The following SLC24A1 variants were observed in gnomAD, a reference collection of about 807,000 sequenced individuals.
SLC24A1 encodes solute carrier family 24 member 1.
In SLC24A1, 52 loss-of-function variants were observed where a neutral mutation model predicts 88.1. That is an observed-to-expected ratio of 0.59 (90% CI 0.47 to 0.74). The LOEUF (loss-of-function observed/expected upper bound fraction) is 0.74. Among genes scored for constraint, SLC24A1 ranks in the 30% least tolerant of loss-of-function variants. SLC24A1 has a pLI of 0.00. For synonymous variants in SLC24A1, 455 were observed against 498.0 expected, an observed-to-expected ratio of 0.91 and a Z score of 1.15; for missense variants, 1,173 against 1,363.3, an observed-to-expected ratio of 0.86 and a Z score of 2.20.
rs2075661847 is a variant in SLC24A1, at chr15:65,655,767, G to A, written c.*1688G>A. 1.0e-6 allele frequency: 1 copy of A among 985,238 alleles called. No homozygotes were observed. The highest frequency in any genetic ancestry group is 1.7e-5 in the African/African-American group (1 of 57,212). The allele number at this position is 985,238 out of a possible 1,614,324, so 61.0% of individuals were successfully genotyped here. A position where few individuals can be genotyped will look rare whatever the true frequency, so the allele number is the denominator to read the frequency against. On this transcript the variant is annotated 3_prime_UTR_variant, in exon 10 of 10. Transcript: ENST00000261892. ...TTCCAAGTATTCCATCTTTTAAGAT[G>A]AATTGCTTAATTAATTGCCTCGCTA...
chr15:65,645,486 C>T (rs2075272370), intron 5 of SLC24A1, 126 bp from the exon 6 acceptor site: 2 of 727,956 alleles, frequency 2.7e-6, no homozygotes, highest in Non-Finnish European at 4.9e-6. Flanking sequence ...ACAAGAAATT[C>T]CCCCAAATAA....
chr15:65,643,386 C>T (rs1028835269), intron 4 of SLC24A1, among the ~76,000 whole-genome samples: 3 of 152,162 alleles, frequency 2.0e-5, no homozygotes, highest in Non-Finnish European at 2.9e-5. Flanking sequence ...GAGGATATGA[C>T]GGTATTGCCT....
At position 65,624,744 on chromosome 15, in the gene SLC24A1, G is replaced by A. The variant is rs201188098; in HGVS notation, c.664G>A (p.Asp222Asn). Reference protein sequence around the residue: ...HAITPRTTVKDSDITATYKIL... With the variant: ...HAITPRTTVKNSDITATYKIL... The stretch of plus-strand genomic sequence containing the variant: ...GATCACCCCCAGGACAACAGTGAAA[G>A]ACAGTGACATTACAGCAACCTATAA... The change falls in exon 2 of 10, where the codon GAC (aspartate) becomes AAC (asparagine). Residue 222 changes from aspartate (D) to asparagine (N), a missense_variant. Physicochemically the swap from Asp to Asn is conservative, Grantham distance 23 (BLOSUM62 1). Coordinates refer to ENST00000261892, the MANE Select transcript of SLC24A1 (RefSeq NM_004727.3). 3.2e-4 allele frequency: 511 copies of A among 1,613,342 alleles called. No homozygotes were observed. The highest frequency in any genetic ancestry group is 3.9e-4 in the Non-Finnish European group (457 of 1,179,604).
In SLC24A1 at chr15:65,625,648, T is replaced by G. The variant is rs1397179286; in HGVS notation, c.1568T>G (p.Val523Gly). The change falls in exon 2 of 10, where the codon GTG (valine) becomes GGG (glycine). Residue 523 changes from valine to glycine, a missense_variant. Physicochemically the swap from Val to Gly is moderately radical, Grantham distance 109 (BLOSUM62 -3). Coordinates refer to ENST00000261892, the MANE Select transcript of SLC24A1 (RefSeq NM_004727.3). ...GGTGTCTTCATTTCCCACAGCAACG[T>G]GGGCATTGGTACCATTGTGGGCTCT... ...LIGVFISHSNVGIGTIVGSAV... is the reference protein window; with the variant it reads ...LIGVFISHSNGGIGTIVGSAV... The G allele has an allele frequency of 2.5e-6, 4 of 1,614,062 alleles. No homozygotes were observed. The highest frequency in any genetic ancestry group is 3.4e-6 in the Non-Finnish European group (4 of 1,179,900).
chr15:65,648,857 G>A (rs192549063), intron 6 of SLC24A1, among the ~76,000 whole-genome samples: 2 of 151,972 alleles, frequency 1.3e-5, no homozygotes, highest in East Asian at 3.9e-4. Flanking sequence ...AGGCTGGCCT[G>A]GAACTCCTGG....
In SLC24A1 at chr15:65,625,942, A is replaced by G. The variant is rs563141376; in HGVS notation, c.1862A>G (p.Lys621Arg). The G allele has an allele frequency of 1.2e-6, 2 of 1,613,540 alleles. No individual in the cohort carries two copies. The highest frequency in any genetic ancestry group is 1.7e-6 in the Non-Finnish European group (2 of 1,179,572). Residue 621 changes from lysine (K) to arginine (R), a missense_variant, in exon 2 of 10, where the codon AAG (lysine) becomes AGG (arginine). Transcript: ENST00000261892. ...CAGCTCAGCAGGAGGCCAGTGGCCA[A>G]GGTCATGGCCTTAGAAGACCTCAGC... ...KEQLSRRPVA[K>R]VMALEDLSKP...
intron 3 of SLC24A1, 21 bp from the exon 4 acceptor site, chr15:65,639,574 T>TGA: frequency 7.2e-7 from 1 of 1,398,202 alleles, no homozygotes; most frequent in Non-Finnish European, 9.8e-7. Flanking sequence ...GGGCCCACTG[T>TGA]GCGGCTCTCC....
rs2075648394 is a variant in SLC24A1, at chr15:65,655,443, T to A, written c.*1364T>A. ...AGTACTACTTCCAAGGTAGCTAGTG[T>A]AAAGGACACTTGAGTTTTTAAAACT... On this transcript the variant is annotated 3_prime_UTR_variant, in exon 10 of 10. Transcript: ENST00000261892. 4.1e-6 allele frequency: 4 copies of A among 985,280 alleles called. No individual in the cohort carries two copies. The Admixed American group carries it at 2.5e-4, about 61-fold the overall frequency. 61.0% of individuals were successfully genotyped at this position (985,280 alleles called of 1,614,324 possible).
intron 8 of SLC24A1, 41 bp from the exon 9 acceptor site, chr15:65,652,601 C>T (rs1344493400): frequency 6.2e-7 from 1 of 1,600,190 alleles, no homozygotes; most frequent in East Asian, 2.2e-5. Flanking sequence ...TTGGATGTGC[C>T]TCAGGTTTTT....
chr15:65,647,340 T>G (rs1179399355), intron 6 of SLC24A1, among the ~76,000 whole-genome samples: 2 of 151,582 alleles, frequency 1.3e-5, no homozygotes, highest in Non-Finnish European at 2.9e-5. Context: ...TAGCCGGGTG[T>G]GGTGGTGCGT....
chr15:65,660,612 T>A (rs995513883), downstream of SLC24A1: 7 of 278,396 alleles, frequency 2.5e-5, no homozygotes, highest in African/African-American at 1.3e-4. Flanking sequence ...TGACTAAAAA[T>A]ATATTTTTAA....
At chr15:65,644,380 A>C in intron 4 of SLC24A1, 47 bp from the exon 5 acceptor site, 2 of 1,317,366 alleles carry the variant, frequency 1.5e-6, no homozygotes, top group Non-Finnish European at 2.1e-6. Flanking sequence ...CGTGGCAGGG[A>C]TGATCCTACA....
chr15:65,645,557 C>A (rs2075275058), intron 5 of SLC24A1, 55 bp from the exon 6 acceptor site: 2 of 1,367,926 alleles, frequency 1.5e-6, no homozygotes, highest in Admixed American at 2.0e-5. Context: ...TCTCTGCCAG[C>A]TTCCTTCAGA....
At position 65,624,819 on chromosome 15, in the gene SLC24A1, A is replaced by G. The variant is rs767891989; in HGVS notation, c.739A>G (p.Thr247Ala). Residue 247 changes from threonine (T) to alanine (A), a missense_variant, in exon 2 of 10, where the codon ACC becomes GCC. Thr to Ala is a moderately conservative substitution (Grantham distance 58, BLOSUM62 0). Coordinates refer to ENST00000261892, the MANE Select transcript of SLC24A1 (RefSeq NM_004727.3). ...LKRIMEETTP[T>A]TLKGMFDSTP... The stretch of plus-strand genomic sequence containing the variant: ...GAGAATAATGGAGGAAACCACCCCA[A>G]CCACTCTCAAGGGAATGTTTGATAG... 3.7e-6 allele frequency: 6 copies of G among 1,613,892 alleles called. No homozygotes were observed. Among genetic ancestry groups the G allele is most frequent in the South Asian group, 3.3e-5 (3 of 91,078 alleles).
chr15:65,658,888 T>C (rs1175353580), downstream of SLC24A1, among the ~76,000 whole-genome samples: 2 of 151,996 alleles, frequency 1.3e-5, no homozygotes, highest in African/African-American at 2.4e-5. Context: ...AATACACAAA[T>C]GGGGAGACAT....
At chr15:65,621,424 A>C (rs2141430258), upstream of SLC24A1, among the ~76,000 whole-genome samples, 1 of 152,326 alleles carries the variant, frequency 6.6e-6, no homozygotes, top group South Asian at 2.1e-4. Context: ...CTTTAGGCCT[A>C]ATAAAATAGA....
At chr15:65,635,623 G>A in intron 2 of SLC24A1, among the ~76,000 whole-genome samples, 1 of 151,988 alleles carries the variant, frequency 6.6e-6, no homozygotes, top group African/African-American at 2.4e-5. Flanking sequence ...AATGCACAGT[G>A]CCCCCTTCAT....
chr15:65,622,022 C>T lies in SLC24A1; in HGVS notation c.-197C>T, dbSNP rs1248682008. ...TGTTCCCTGCTGTCCAGCTTCAGAC[C>T]CACTCTTTGAGATATTGGATTCTGA... On this transcript the variant is annotated 5_prime_UTR_variant, in exon 1 of 10. Transcript: ENST00000261892. 6.6e-6 allele frequency: 1 copy of T among 152,144 alleles called. No individual in the cohort carries two copies. Among genetic ancestry groups the T allele is most frequent in the Admixed American group, 6.5e-5 (1 of 15,270 alleles). 9.4% of individuals were successfully genotyped at this position (152,144 alleles called of 1,614,324 possible). A position where few individuals can be genotyped will look rare whatever the true frequency, so the allele number is the denominator to read the frequency against.
intron 6 of SLC24A1, among the ~76,000 whole-genome samples, chr15:65,646,433 T>C (rs2075303681): frequency 6.6e-6 from 1 of 151,898 alleles, no homozygotes; most frequent in Admixed American, 6.6e-5. Flanking sequence ...CTCCCTAGAA[T>C]GCCTTTTCTC....
Sources: allele counts gnomAD v4.1 joint callset (sites outside exome capture counted in the v4.1 genomes callset), GRCh38; gene constraint gnomAD v4.1.1; transcripts MANE v1.5; gene names NCBI Gene and HGNC (gene_info 2026-07-23, HGNC 2026-07-21).